Variants in SPECC1 observed in about 807,000 individuals in gnomAD.
SPECC1 encodes the protein sperm antigen with calponin homology and coiled-coil domains 1.
A neutral mutation model predicts 104.1 loss-of-function variants in SPECC1; 62 were observed. The ratio of observed to expected loss-of-function variants is 0.60; its 90% CI spans 0.49 to 0.74. The LOEUF (loss-of-function observed/expected upper bound fraction) is 0.74, where lower values mean the gene tolerates loss of function less well. Ranked by LOEUF, SPECC1 falls within the 30% of genes least tolerant of loss-of-function variation. The pLI is 0.00. For missense variants in SPECC1, 1,306 were observed against 1,310.5 expected (o/e 1.00, Z 0.05); for synonymous variants, 513 against 501.6 (o/e 1.02, Z -0.30).
chr17:20,140,227 TTTAG>T (rs2030605298), intron 3 of SPECC1, among the ~76,000 whole-genome samples: 1 of 152,260 alleles, frequency 6.6e-6, no homozygotes, highest in East Asian at 1.9e-4. Context: ...TTCACTCATC[TTTAG>T]TTATAGAGCC....
chr17:20,294,560 A>C (rs1263403398), intron 12 of SPECC1, among the ~76,000 whole-genome samples: 1 of 152,092 alleles, frequency 6.6e-6, no homozygotes, highest in Non-Finnish European at 1.5e-5. Context: ...GGGGTTATAC[A>C]GAGATGGTGA....
chr17:20,199,394 T>G (rs968348703), intron 3 of SPECC1, among the ~76,000 whole-genome samples: 13 of 142,792 alleles, frequency 9.1e-5, no homozygotes, highest in East Asian at 4.1e-4. Flanking sequence ...TTTTTTTTTT[T>G]TTTTTTTTTT....
At chr17:20,183,588 A>C (rs967490554) in intron 3 of SPECC1, among the ~76,000 whole-genome samples, 1 of 152,200 alleles carries the variant, frequency 6.6e-6, no homozygotes, top group Non-Finnish European at 1.5e-5. Flanking sequence ...CTGATATAAA[A>C]TGCTATAAAA....
chr17:20,087,038 G>A (rs550052634), intron 1 of SPECC1: 7 of 152,184 alleles, frequency 4.6e-5, no homozygotes, highest in Admixed American at 6.5e-5. Context: ...AGAAAAGGTT[G>A]GATAAAAGAT....
At chr17:20,218,430 C>A (rs959584232) in intron 4 of SPECC1, among the ~76,000 whole-genome samples, 1 of 152,212 alleles carries the variant, frequency 6.6e-6, no homozygotes, top group Non-Finnish European at 1.5e-5. Context: ...ATTTAAGCAG[C>A]TTTCAAGCTT....
intron 14 of SPECC1, among the ~76,000 whole-genome samples, chr17:20,311,915 A>G (rs1050057431): frequency 6.6e-6 from 1 of 152,160 alleles, no homozygotes; most frequent in African/African-American, 2.4e-5. Context: ...TGATTTGATC[A>G]TATGGTTTTT....
intron 12 of SPECC1, among the ~76,000 whole-genome samples, chr17:20,269,670 G>A (rs998172262): frequency 2.6e-5 from 4 of 152,160 alleles, no homozygotes; most frequent in Non-Finnish European, 4.4e-5. Context: ...CCCTGCACCC[G>A]GCCGGTTGGC....
At chr17:20,261,027 T>G (rs2151597094) in intron 12 of SPECC1, among the ~76,000 whole-genome samples, 1 of 152,322 alleles carries the variant, frequency 6.6e-6, no homozygotes, top group South Asian at 2.1e-4. Flanking sequence ...AGTAAAAGAA[T>G]TAAACATTCT....
At chr17:20,126,320 CTTTG>C (rs1193975689) in intron 3 of SPECC1, 1 of 151,002 alleles carries the variant, frequency 6.6e-6, no homozygotes, top group Non-Finnish European at 1.5e-5. Context: ...GAGTTTATGC[CTTTG>C]TTTTATACTT....
rs767153797 is a variant in SPECC1, at chr17:20,191,310, T to C, written c.284-13023T>C. ...TTTTCTAGGAAACCACCAAACTGTC[T>C]TCCAACGTGGCTGAATTATTTTGCG... On this transcript the variant is annotated intron_variant, in intron 3 of 14. Transcript: ENST00000395527. 2.0e-5 allele frequency among the ~76,000 whole-genome samples: 3 copies of C among 152,194 alleles called. No individual in the cohort carries two copies. The South Asian group carries it at 6.2e-4, about 32-fold the overall frequency.
rs535874594 is a variant in SPECC1 at position 20,265,921 on chromosome 17, C to CT, written c.2940+5628dup. On this transcript the variant is annotated intron_variant, in intron 12 of 14. Coordinates refer to ENST00000395527, the MANE Select transcript of SPECC1 (RefSeq NM_001243439.2). ...GTTTGCAGCTCTATTTCTGGATACT[C>CT]TAACTTGTGTATGTGTCTGTTTTTA... is the stretch of plus-strand genomic sequence containing the variant. Among the ~76,000 whole-genome samples the CT allele has an allele frequency of 2.1e-3, 317 of 152,234 alleles. 2 individuals are homozygous for CT. The highest frequency in any genetic ancestry group is 7.2e-3 in the African/African-American group (299 of 41,532).
chr17:20,283,253 A>G (rs2040835376), intron 12 of SPECC1, among the ~76,000 whole-genome samples: 1 of 152,206 alleles, frequency 6.6e-6, no homozygotes, highest in Non-Finnish European at 1.5e-5. Flanking sequence ...AGGCATTCCA[A>G]GGAATCCCAG....
chr17:20,146,217 TTCC>T, intron 3 of SPECC1, among the ~76,000 whole-genome samples: 1 of 152,232 alleles, frequency 6.6e-6, no homozygotes, highest in Non-Finnish European at 1.5e-5. Context: ...CCGTTCATCC[TTCC>T]TCCTAAGTGC....
chr17:20,049,952 G>A (rs1021456652), intron 1 of SPECC1, among the ~76,000 whole-genome samples: 1 of 152,040 alleles, frequency 6.6e-6, no homozygotes, highest in African/African-American at 2.4e-5. Flanking sequence ...CAAGTAGCTG[G>A]GATTACAGGC....
At chr17:20,177,479 A>G (rs570106822) in intron 3 of SPECC1, among the ~76,000 whole-genome samples, 1 of 152,262 alleles carries the variant, frequency 6.6e-6, no homozygotes, top group Admixed American at 6.5e-5. Flanking sequence ...GACTGTTGAC[A>G]TTTCTGTGTA....
chr17:20,226,176 CAAT>C (rs2038192740), intron 4 of SPECC1, among the ~76,000 whole-genome samples: 1 of 152,032 alleles, frequency 6.6e-6, no homozygotes, highest in African/African-American at 2.4e-5. Context: ...AGAAAAGGGA[CAAT>C]GATGTTTATT....
At chr17:20,093,655 T>C (rs2152502304) in intron 1 of SPECC1, among the ~76,000 whole-genome samples, 1 of 151,982 alleles carries the variant, frequency 6.6e-6, no homozygotes, top group Middle Eastern at 3.4e-3. Flanking sequence ...GCTCCCCTTC[T>C]AGTAGGAGTC....
intron 12 of SPECC1, among the ~76,000 whole-genome samples, chr17:20,266,585 A>G (rs2040226348): frequency 6.6e-6 from 1 of 152,208 alleles, no homozygotes; most frequent in South Asian, 2.1e-4. Flanking sequence ...CTCCGTCTCA[A>G]AAAATATATA....
intron 1 of SPECC1, among the ~76,000 whole-genome samples, chr17:20,021,689 TATATATATATA>T (rs2044386286): frequency 8.2e-6 from 1 of 122,116 alleles, no homozygotes; most frequent in African/African-American, 3.3e-5. Context: ...TAATAATATA[TATATATATATA>T]TATTTTTTTG....
Sources: allele counts gnomAD v4.1 joint callset (sites outside exome capture counted in the v4.1 genomes callset), GRCh38; gene constraint gnomAD v4.1.1; transcripts MANE v1.5; gene names NCBI Gene and HGNC (gene_info 2026-07-23, HGNC 2026-07-21).